The following FGGY variants were observed in gnomAD, a reference collection of about 807,000 sequenced individuals.
FGGY encodes FGGY carbohydrate kinase domain-containing protein.
A neutral mutation model predicts 71.3 loss-of-function variants in FGGY; 72 were observed. That is an observed-to-expected ratio of 1.01 (90% CI 0.84 to 1.23). The LOEUF (loss-of-function observed/expected upper bound fraction) is 1.23. Among genes scored for constraint, FGGY ranks in the 50% most tolerant of loss-of-function variants. The pLI is 0.00. For missense variants in FGGY, 668 were observed against 682.3 expected, an observed-to-expected ratio of 0.98 and a Z score of 0.23; for synonymous variants, 251 against 250.3, an observed-to-expected ratio of 1.00 and a Z score of -0.02.
chr1:59,498,589 C>T (rs1304813151), intron 6 of FGGY, among the ~76,000 whole-genome samples: 1 of 152,096 alleles, frequency 6.6e-6, no homozygotes, highest in Non-Finnish European at 1.5e-5. Context: ...CTGGGCTCCA[C>T]ACCACAGTTT....
At chr1:59,742,896 A>G (rs191874544) in intron 14 of FGGY, among the ~76,000 whole-genome samples, 34 of 152,338 alleles carry the variant, frequency 2.2e-4, no homozygotes, top group African/African-American at 6.3e-4. Context: ...ACTGCTCCAA[A>G]GAACTTTTGA....
At chr1:59,361,200 CAGCAAATATTT>C (rs2055437524) in intron 4 of FGGY, among the ~76,000 whole-genome samples, 1 of 152,184 alleles carries the variant, frequency 6.6e-6, no homozygotes, top group South Asian at 2.1e-4. Context: ...TTCATTCATT[CAGCAAATATTT>C]ATTGAAAATT....
intron 7 of FGGY, among the ~76,000 whole-genome samples, chr1:59,514,678 C>T (rs1028729714): frequency 2.3e-4 from 35 of 152,240 alleles, no homozygotes; most frequent in Admixed American, 6.5e-4. Context: ...ATGCTATTCT[C>T]GTGATAGTGA....
At chr1:59,677,229 A>G (rs1412983882) in intron 14 of FGGY, among the ~76,000 whole-genome samples, 1 of 152,216 alleles carries the variant, frequency 6.6e-6, no homozygotes, top group Non-Finnish European at 1.5e-5. Context: ...TCTGTGATTC[A>G]TATTTTCAAC....
intron 14 of FGGY, among the ~76,000 whole-genome samples, chr1:59,736,046 T>C (rs1015177271): frequency 6.6e-6 from 1 of 152,166 alleles, no homozygotes; most frequent in South Asian, 2.1e-4. Context: ...GTTCTCATGA[T>C]AGCTGATAAC....
At chr1:59,712,674 T>C (rs2097803911) in intron 14 of FGGY, among the ~76,000 whole-genome samples, 2 of 152,168 alleles carry the variant, frequency 1.3e-5, no homozygotes, top group South Asian at 4.1e-4. Context: ...TTGCACCCTC[T>C]GAAGCCACAG....
At chr1:59,655,400 G>T (rs2097209057) in intron 11 of FGGY, among the ~76,000 whole-genome samples, 2 of 152,042 alleles carry the variant, frequency 1.3e-5, no homozygotes, top group South Asian at 4.2e-4. Context: ...CATACATTAG[G>T]TATTTCTCCT....
chr1:59,353,455 CAA>C (rs1412923721), intron 4 of FGGY, among the ~76,000 whole-genome samples: 67 of 152,146 alleles, frequency 4.4e-4, no homozygotes, highest in Non-Finnish European at 7.4e-4. Flanking sequence ...TTTCTAGAGA[CAA>C]TCATAGAAAA....
At chr1:59,523,119 C>T (rs1445321810) in intron 7 of FGGY, among the ~76,000 whole-genome samples, 2 of 152,214 alleles carry the variant, frequency 1.3e-5, no homozygotes, top group South Asian at 2.1e-4. Context: ...CTGGTTCTGA[C>T]ACTGCCAAGC....
In FGGY at chr1:59,653,217, C is replaced by T. The variant is rs974936717; in HGVS notation, c.1222-7002C>T. ...ACTGCTGTCTTTTTGTTTGTCTGTG[C>T]CCTGCCCCCAGAGGTGGAGCCTACA... On this transcript the variant is annotated intron_variant, in intron 11 of 15. Transcript: ENST00000303721. 3.5e-4 allele frequency among the ~76,000 whole-genome samples: 53 copies of T among 152,328 alleles called. 1 individual carries two copies. Among genetic ancestry groups the T allele is most frequent in the African/African-American group, 1.2e-3 (48 of 41,572 alleles).
chr1:59,362,152 T>A (rs1433115688), intron 4 of FGGY, among the ~76,000 whole-genome samples: 1 of 152,198 alleles, frequency 6.6e-6, no homozygotes. Context: ...CCCATTCTTT[T>A]TGGTCTCTTT....
intron 4 of FGGY, among the ~76,000 whole-genome samples, chr1:59,351,275 C>T (rs2053234745): frequency 6.6e-6 from 1 of 152,178 alleles, no homozygotes; most frequent in African/African-American, 2.4e-5. Flanking sequence ...GAAAAGTTTG[C>T]CGACCCCTGG....
chr1:59,751,179 T>G (rs2101688501), intron 14 of FGGY, among the ~76,000 whole-genome samples: 1 of 152,296 alleles, frequency 6.6e-6, no homozygotes, highest in South Asian at 2.1e-4. Flanking sequence ...TTACTTATAT[T>G]CTCTCTATTT....
chr1:59,382,637 T>G (rs1472602578), intron 5 of FGGY, among the ~76,000 whole-genome samples: 1 of 152,208 alleles, frequency 6.6e-6, no homozygotes, highest in East Asian at 1.9e-4. Context: ...AGAATCTTTC[T>G]CTAGGTTTTT....
chr1:59,674,138 G>A lies in FGGY; in HGVS notation c.1512+5G>A. On this transcript the variant is annotated splice_donor_5th_base_variant and intron_variant, in intron 14 of 15. Transcript: ENST00000303721. ...GGGGATTTCGCTTCTGTACAGGTAT[G>A]TGAAGACCAGGGGGTGGGCTGTGGC... 6.2e-7 allele frequency: 1 copy of A among 1,612,450 alleles called. No homozygotes were observed. The highest frequency in any genetic ancestry group is 8.5e-7 in the Non-Finnish European group (1 of 1,178,948).
chr1:59,387,803 G>C (rs1398746596), intron 5 of FGGY, among the ~76,000 whole-genome samples: 1 of 152,110 alleles, frequency 6.6e-6, no homozygotes, highest in African/African-American at 2.4e-5. Flanking sequence ...AGACCTCACA[G>C]TATTCTCCAC....
chr1:59,639,266 T>A (rs1188795307), intron 11 of FGGY, among the ~76,000 whole-genome samples: 1 of 152,166 alleles, frequency 6.6e-6, no homozygotes, highest in Non-Finnish European at 1.5e-5. Context: ...ACTACTACAA[T>A]TTTGTGGTTA....
At chr1:59,683,661 G>A (rs1048313881) in intron 14 of FGGY, among the ~76,000 whole-genome samples, 2 of 152,188 alleles carry the variant, frequency 1.3e-5, no homozygotes, top group Non-Finnish European at 2.9e-5. Flanking sequence ...GAATTCATGA[G>A]AGGGATGCAT....
At chr1:59,662,575 C>T (rs549591054) in intron 12 of FGGY, among the ~76,000 whole-genome samples, 8 of 152,224 alleles carry the variant, frequency 5.3e-5, no homozygotes, top group African/African-American at 1.9e-4. Context: ...TTTTGGTTAA[C>T]GAGGGACTTC....
Sources: gnomAD v4.1 joint callset for allele counts (sites outside exome capture counted in the v4.1 genomes callset) on GRCh38, gnomAD v4.1.1 for gene constraint, MANE v1.5 for transcripts, NCBI Gene and HGNC (gene_info 2026-07-23, HGNC 2026-07-21) for gene names.